Variants in PHF2 observed in about 807,000 individuals in gnomAD.
PHF2 encodes lysine-specific demethylase PHF2.
Under a neutral mutation model 120.5 loss-of-function variants are expected in PHF2, and 27 were observed. The observed-to-expected ratio is 0.22, with a 90% CI of 0.17 to 0.31. PHF2 has a LOEUF of 0.31. Ranked by LOEUF, PHF2 falls within the 10% of genes least tolerant of loss-of-function variation. The pLI, the probability that PHF2 is intolerant of heterozygous loss-of-function variation, is 1.00. For missense variants in PHF2, 1,024 were observed against 1,434.8 expected (o/e 0.71, Z 4.63); for synonymous variants, 568 against 592.5 (o/e 0.96, Z 0.60).
intron 17 of PHF2, chr9:93,672,528 A>G (rs1440219849): frequency 1.0e-6 from 1 of 980,416 alleles, no homozygotes; most frequent in East Asian, 1.2e-4. Context: ...ACAGGTGCAG[A>G]TGCAGGTGTG....
At chr9:93,672,211 C>T (rs55980031) in intron 17 of PHF2, among the ~76,000 whole-genome samples, 6 of 78,302 alleles carry the variant, frequency 7.7e-5, no homozygotes, top group South Asian at 7.1e-4. Context: ...TGGGAGTAGG[C>T]ACAGGTGTAG....
chr9:93,675,920 TG>T (rs1826902063), intron 20 of PHF2, 131 bp downstream of exon 20: 1 of 643,338 alleles, frequency 1.6e-6, no homozygotes, highest in Admixed American at 2.6e-5. Context: ...GTCACAGGCT[TG>T]GGGACATTTG....
At chr9:93,654,677 C>T (rs1826427528) in intron 7 of PHF2, 102 bp downstream of exon 7, 2 of 1,138,978 alleles carry the variant, frequency 1.8e-6, no homozygotes, top group South Asian at 1.3e-5. Flanking sequence ...GGGGTCTCTT[C>T]GGCATCCCTG....
rs67001312 is a variant in PHF2, at chr9:93,602,247, C to CTTTTTTTTTTT, written c.98+25389_98+25399dup. Among the ~76,000 whole-genome samples, 69 of 79,676 alleles carry CTTTTTTTTTTT rather than the reference C, an allele frequency of 8.7e-4. 3 individuals carry two copies. The highest frequency in any genetic ancestry group is 1.1e-3 in the Non-Finnish European group (51 of 45,058). The allele number at this position is 79,676 out of a possible 152,430, so 52.3% of individuals were successfully genotyped here. ...AAGTCATTTTGCATTCCTAGAGATT[C>CTTTTTTTTTTT]TTTTTTTTTTTTTTTTTTTTTTTGA... On this transcript the variant is annotated intron_variant, in intron 1 of 21. Coordinates refer to ENST00000359246, the MANE Select transcript of PHF2 (RefSeq NM_005392.4).
chr9:93,620,372 G>A (rs932930643), intron 1 of PHF2, among the ~76,000 whole-genome samples: 7 of 152,252 alleles, frequency 4.6e-5, no homozygotes, highest in East Asian at 3.8e-4. Context: ...GGTGAGGCAC[G>A]AGGGCCTGTC....
At chr9:93,597,831 A>G (rs1209024003) in intron 1 of PHF2, among the ~76,000 whole-genome samples, 1 of 152,088 alleles carries the variant, frequency 6.6e-6, no homozygotes, top group African/African-American at 2.4e-5. Context: ...CTTATAGCCA[A>G]GATTGGGGGA....
At chr9:93,582,882 C>T (rs1442829978) in intron 1 of PHF2, among the ~76,000 whole-genome samples, 2 of 152,150 alleles carry the variant, frequency 1.3e-5, no homozygotes, top group African/African-American at 2.4e-5. Flanking sequence ...CATGGGGAAA[C>T]GAGCCTTTTA....
chr9:93,619,211 C>G (rs555898298), intron 1 of PHF2, among the ~76,000 whole-genome samples: 1 of 152,120 alleles, frequency 6.6e-6, no homozygotes, highest in Non-Finnish European at 1.5e-5. Flanking sequence ...TTACGAGACC[C>G]CTGCCCAGCC....
rs770543596 is a variant in PHF2, at chr9:93,658,140, C to T, written c.1148-5C>T. On this transcript the variant is annotated splice_polypyrimidine_tract_variant and splice_region_variant and intron_variant, in intron 9 of 21. Coordinates refer to ENST00000359246, the MANE Select transcript of PHF2 (RefSeq NM_005392.4). The stretch of plus-strand genomic sequence containing the variant: ...CACCCACCTCACCCAGTGTCTCCTT[C>T]CCAGGCTCTCACAAATCTGGGAAGC... 5.7e-6 allele frequency: 9 copies of T among 1,590,768 alleles called. No homozygotes were observed. Among genetic ancestry groups the T allele is most frequent in the Non-Finnish European group, 6.9e-6 (8 of 1,160,846 alleles).
At chr9:93,637,933 T>C (rs1200004830) in intron 3 of PHF2, among the ~76,000 whole-genome samples, 1 of 152,220 alleles carries the variant, frequency 6.6e-6, no homozygotes, top group Non-Finnish European at 1.5e-5. Context: ...CTTCACATCC[T>C]CACTAGAACT....
chr9:93,592,106 C>T (rs1825238311), intron 1 of PHF2, among the ~76,000 whole-genome samples: 1 of 152,230 alleles, frequency 6.6e-6, no homozygotes, highest in African/African-American at 2.4e-5. Context: ...TGGAGGTCCC[C>T]AGTCCTGCCA....
chr9:93,622,029 A>G (rs989098296), intron 1 of PHF2, among the ~76,000 whole-genome samples: 13 of 152,296 alleles, frequency 8.5e-5, no homozygotes, highest in Non-Finnish European at 2.9e-5. Context: ...TCCATGCACC[A>G]AGGTGGTCCA....
At chr9:93,577,269 C>G (rs148039142) in intron 1 of PHF2, among the ~76,000 whole-genome samples, 5 of 151,520 alleles carry the variant, frequency 3.3e-5, no homozygotes, top group African/African-American at 2.4e-5. Context: ...CCGCCTCCCC[C>G]CTGCGAAGTT....
intron 1 of PHF2, among the ~76,000 whole-genome samples, chr9:93,614,752 T>G (rs1587682665): frequency 7.6e-6 from 1 of 131,154 alleles, no homozygotes; most frequent in Admixed American, 7.3e-5. Context: ...TCATGGTCCA[T>G]TAGCCCAGCA....
intron 7 of PHF2, 104 bp downstream of exon 7, chr9:93,654,679 G>A: frequency 2.8e-6 from 3 of 1,055,036 alleles, no homozygotes; most frequent in Non-Finnish European, 2.9e-6. Flanking sequence ...GGTCTCTTCG[G>A]CATCCCTGGC....
intron 1 of PHF2, among the ~76,000 whole-genome samples, chr9:93,604,685 C>T (rs1478434077): frequency 1.3e-5 from 2 of 152,028 alleles, no homozygotes; most frequent in African/African-American, 4.8e-5. Context: ...AGGATGGCCT[C>T]GATCTCCTGA....
At chr9:93,598,993 T>C (rs540862794) in intron 1 of PHF2, among the ~76,000 whole-genome samples, 3 of 152,178 alleles carry the variant, frequency 2.0e-5, no homozygotes, top group Non-Finnish European at 2.9e-5. Context: ...TGTTTTGTAC[T>C]GTGCGTGCCT....
intron 17 of PHF2, chr9:93,671,120 G>A: frequency 1.0e-6 from 1 of 977,236 alleles, no homozygotes; most frequent in Non-Finnish European, 1.2e-6. Flanking sequence ...GGGTGCATGT[G>A]TGGGGGTAGG....
intron 2 of PHF2, among the ~76,000 whole-genome samples, chr9:93,632,120 G>A (rs2001315): frequency 0.39 from 59,377 of 151,978 alleles, 11,916 homozygotes; most frequent in African/African-American, 0.41. Flanking sequence ...CTGTGTGCCT[G>A]CCTCACCCAG....
Sources: gnomAD v4.1 joint callset for allele counts (sites outside exome capture counted in the v4.1 genomes callset) on GRCh38, gnomAD v4.1.1 for gene constraint, MANE v1.5 for transcripts, NCBI Gene and HGNC (gene_info 2026-07-23, HGNC 2026-07-21) for gene names.